The following SGCD variants were observed in gnomAD, a reference collection of about 807,000 sequenced individuals.
The protein encoded by SGCD is sarcoglycan delta.
SGCD carries 18 observed loss-of-function variants against 36.6 expected under a neutral mutation model. The observed-to-expected ratio is 0.49, with a 90% CI of 0.34 to 0.73. SGCD has a LOEUF of 0.73. Ranked by LOEUF, SGCD falls within the 30% of genes least tolerant of loss-of-function variation. SGCD has a pLI of 0.01. For synonymous variants in SGCD, 133 were observed against 130.6 expected, an observed-to-expected ratio of 1.02 and a Z score of -0.12; for missense variants, 387 against 346.7, an observed-to-expected ratio of 1.12 and a Z score of -0.92.
chr5:156,596,224 C>T (rs1242974217), intron 6 of SGCD, among the ~76,000 whole-genome samples: 1 of 152,144 alleles, frequency 6.6e-6, no homozygotes, highest in Non-Finnish European at 1.5e-5. Context: ...AATGCTAATT[C>T]TACTTTTCCT....
chr5:155,769,168 C>A, the SGCD span, among the ~76,000 whole-genome samples: 29,565 of 151,784 alleles, frequency 0.19, 3,778 homozygotes, highest in Admixed American at 0.41. Flanking sequence ...AATTAGAGAA[C>A]CACATGTATA....
At chr5:156,611,160 G>A (rs796276577) in intron 6 of SGCD, among the ~76,000 whole-genome samples, 1 of 152,156 alleles carries the variant, frequency 6.6e-6, no homozygotes. Context: ...GACTGGAGCT[G>A]TTCCTATTCA....
At chr5:156,346,582 G>A (rs1444500818) in intron 3 of SGCD, among the ~76,000 whole-genome samples, 4 of 152,160 alleles carry the variant, frequency 2.6e-5, no homozygotes, top group Non-Finnish European at 5.9e-5. Context: ...TTAGAAGCAT[G>A]AGACATCACA....
At chr5:156,485,895 G>C (rs1050608421) in intron 3 of SGCD, among the ~76,000 whole-genome samples, 5 of 152,086 alleles carry the variant, frequency 3.3e-5, no homozygotes, top group African/African-American at 1.2e-4. Context: ...CAGAGAAAAG[G>C]TGAGAGATCC....
At chr5:155,917,012 G>A (rs893609422) in intron 1 of SGCD, among the ~76,000 whole-genome samples, 2 of 152,068 alleles carry the variant, frequency 1.3e-5, no homozygotes, top group African/African-American at 2.4e-5. Context: ...TCCCTATCTC[G>A]TTAAAAAATA....
chr5:156,503,080 A>G (rs907033788), intron 3 of SGCD, among the ~76,000 whole-genome samples: 2 of 152,232 alleles, frequency 1.3e-5, no homozygotes, highest in African/African-American at 4.8e-5. Flanking sequence ...TAGCTGCCAT[A>G]AGATGTATAT....
chr5:156,268,565 TCC>T (rs1766064210), intron 3 of SGCD, among the ~76,000 whole-genome samples: 1 of 45,574 alleles, frequency 2.2e-5, no homozygotes, highest in African/African-American at 7.6e-5. Context: ...TTTGATTTGC[TCC>T]TTCCTTCCTT....
intron 3 of SGCD, among the ~76,000 whole-genome samples, chr5:156,480,170 T>C (rs969633059): frequency 3.9e-5 from 6 of 152,220 alleles, no homozygotes; most frequent in Non-Finnish European, 7.3e-5. Context: ...TGAACTTACC[T>C]GTATGAGTAT....
At chr5:155,891,738 A>G (rs1417974131) in intron 1 of SGCD, among the ~76,000 whole-genome samples, 2 of 151,910 alleles carry the variant, frequency 1.3e-5, no homozygotes, top group African/African-American at 4.8e-5. Context: ...CAGAGTTGCC[A>G]TAATGGAGAA....
chr5:155,952,127 G>A (rs1168136892), intron 1 of SGCD, among the ~76,000 whole-genome samples: 1 of 152,098 alleles, frequency 6.6e-6, no homozygotes, highest in African/African-American at 2.4e-5. Flanking sequence ...TGGGCTAATT[G>A]CCTCTGATCT....
intron 3 of SGCD, among the ~76,000 whole-genome samples, chr5:156,427,291 T>C (rs1773714486): frequency 6.6e-6 from 1 of 152,136 alleles, no homozygotes; most frequent in African/African-American, 2.4e-5. Flanking sequence ...AAGTATTATA[T>C]TTTTTGAAGC....
At chr5:156,022,669 T>A (rs1759132631) in intron 1 of SGCD, among the ~76,000 whole-genome samples, 1 of 152,220 alleles carries the variant, frequency 6.6e-6, no homozygotes, top group Non-Finnish European at 1.5e-5. Context: ...TTGTACCTGT[T>A]TTTATAGAAA....
intron 3 of SGCD, among the ~76,000 whole-genome samples, chr5:156,345,509 G>C (rs1768897790): frequency 6.6e-6 from 1 of 152,142 alleles, no homozygotes; most frequent in Non-Finnish European, 1.5e-5. Context: ...GATGTCAAAA[G>C]TGAGTAATAT....
chr5:155,826,041 T>C, the SGCD span, among the ~76,000 whole-genome samples: 3 of 152,202 alleles, frequency 2.0e-5, no homozygotes, highest in Middle Eastern at 3.2e-3. Context: ...TGAGCCACCA[T>C]ACTCGGCCTA....
chr5:156,657,082 A>G (rs1422004446), intron 7 of SGCD, among the ~76,000 whole-genome samples: 2 of 152,184 alleles, frequency 1.3e-5, no homozygotes, highest in African/African-American at 4.8e-5. Context: ...CTAAATATTT[A>G]TAGGCTTTCT....
intron 3 of SGCD, among the ~76,000 whole-genome samples, chr5:156,395,806 A>G (rs1376261413): frequency 6.6e-6 from 1 of 152,196 alleles, no homozygotes; most frequent in Admixed American, 6.5e-5. Flanking sequence ...ACCCTGCCCT[A>G]CAGGGATACA....
At chr5:156,079,773 G>A (rs1760901017) in intron 1 of SGCD, among the ~76,000 whole-genome samples, 1 of 152,242 alleles carries the variant, frequency 6.6e-6, no homozygotes, top group South Asian at 2.1e-4. Flanking sequence ...ACATATTTTA[G>A]CTTCCACAGC....
rs774199047 is a variant in SGCD, at chr5:156,508,720, G to A, written c.294+18G>A. On this transcript the variant is annotated intron_variant, in intron 4 of 8. Coordinates refer to ENST00000337851, the MANE Select transcript of SGCD (RefSeq NM_000337.6). ...CCCGACCAGTAAGTTTCTGCTGAGA[G>A]AAGGAGGCATTATTGTTGCTCTAGA... is the stretch of plus-strand genomic sequence containing the variant. 2 of 1,394,056 alleles carry A rather than the reference G, an allele frequency of 1.4e-6. No individual in the cohort carries two copies. The highest frequency in any genetic ancestry group is 3.6e-5 in the Admixed American group (2 of 55,310). 86.4% of individuals were successfully genotyped at this position (1,394,056 alleles called of 1,614,324 possible). A position where few individuals can be genotyped will look rare whatever the true frequency, so the allele number is the denominator to read the frequency against.
chr5:156,654,260 G>C (rs751627800), intron 7 of SGCD, among the ~76,000 whole-genome samples: 5 of 152,088 alleles, frequency 3.3e-5, no homozygotes, highest in African/African-American at 4.8e-5. Context: ...AATGATTTTA[G>C]GGCAAAATAA....
Sources: gnomAD v4.1 joint callset for allele counts (sites outside exome capture counted in the v4.1 genomes callset) on GRCh38, gnomAD v4.1.1 for gene constraint, MANE v1.5 for transcripts, NCBI Gene and HGNC (gene_info 2026-07-23, HGNC 2026-07-21) for gene names.